The following TEAD4 variants were observed in gnomAD, a reference collection of about 807,000 sequenced individuals.
TEAD4 encodes the protein transcriptional enhancer factor TEF-3.
TEAD4 carries 36 observed loss-of-function variants against 52.4 expected under a neutral mutation model. The ratio of observed to expected loss-of-function variants is 0.69; its 90% CI spans 0.53 to 0.91. TEAD4 has a LOEUF of 0.91. Ranked by LOEUF, TEAD4 falls within the 40% of genes least tolerant of loss-of-function variation. TEAD4 has a pLI of 0.00. For missense variants in TEAD4, 508 were observed against 583.9 expected (o/e 0.87, Z 1.34); for synonymous variants, 220 against 231.0 (o/e 0.95, Z 0.43).
intron 3 of TEAD4, among the ~76,000 whole-genome samples, chr12:3,008,484 T>C (rs2153956395): frequency 6.6e-6 from 1 of 152,292 alleles, no homozygotes; most frequent in Admixed American, 6.5e-5. Context: ...CTGGGGCAGA[T>C]GGAAGCCATT....
intron 2 of TEAD4, among the ~76,000 whole-genome samples, chr12:2,988,134 G>A (rs1458375679): frequency 6.6e-6 from 1 of 151,922 alleles, no homozygotes; most frequent in African/African-American, 2.4e-5. Flanking sequence ...GATTTATTTG[G>A]ACAGATTCAA....
chr12:2,982,485 C>T (rs1018630255), intron 2 of TEAD4, among the ~76,000 whole-genome samples: 1 of 152,220 alleles, frequency 6.6e-6, no homozygotes, highest in Admixed American at 6.5e-5. Flanking sequence ...TCTCCCCTGG[C>T]AGGCCCTCCT....
chr12:3,027,557 C>A (rs1395774808), intron 10 of TEAD4, among the ~76,000 whole-genome samples: 3 of 152,204 alleles, frequency 2.0e-5, no homozygotes, highest in African/African-American at 7.2e-5. Context: ...TGACAAAAAC[C>A]TGTCTCCACA....
chr12:2,960,215 C>A (rs2098214181), intron 2 of TEAD4, 175 bp downstream of exon 2: 3 of 902,990 alleles, frequency 3.3e-6, no homozygotes, highest in Non-Finnish European at 4.0e-6. Flanking sequence ...GGTGGACACT[C>A]GGGACTTTGG....
chr12:3,022,646 G>A (rs536995183), intron 10 of TEAD4, among the ~76,000 whole-genome samples: 7 of 152,178 alleles, frequency 4.6e-5, no homozygotes, highest in Non-Finnish European at 8.8e-5. Flanking sequence ...CCATTGAAAC[G>A]TCTTGTCTGA....
intron 10 of TEAD4, among the ~76,000 whole-genome samples, chr12:3,034,960 G>T (rs559910013): frequency 6.6e-6 from 1 of 151,968 alleles, no homozygotes; most frequent in South Asian, 2.1e-4. Flanking sequence ...AACTAGCCGA[G>T]CGTGGTGGTG....
intron 3 of TEAD4, among the ~76,000 whole-genome samples, chr12:3,005,326 C>T (rs1342007795): frequency 6.6e-6 from 1 of 150,970 alleles, no homozygotes; most frequent in Non-Finnish European, 1.5e-5. Flanking sequence ...CAAGGTCTTA[C>T]TCTCCCTCCC....
intron 3 of TEAD4, among the ~76,000 whole-genome samples, chr12:2,996,332 G>A (rs375464388): frequency 2.6e-5 from 4 of 151,984 alleles, no homozygotes; most frequent in South Asian, 2.1e-4. Context: ...CTTCTGGGTC[G>A]GCCCTCTAGA....
intron 3 of TEAD4, among the ~76,000 whole-genome samples, chr12:2,997,348 G>A (rs758999343): frequency 2.6e-5 from 4 of 152,148 alleles, no homozygotes; most frequent in Admixed American, 6.6e-5. Flanking sequence ...TACTTTTAGC[G>A]CCTGGGGAAG....
chr12:2,984,475 A>T (rs1473632118), intron 2 of TEAD4, among the ~76,000 whole-genome samples: 1 of 152,130 alleles, frequency 6.6e-6, no homozygotes, highest in Non-Finnish European at 1.5e-5. Context: ...TGTGGTCATT[A>T]GTTAGATGTG....
intron 2 of TEAD4, among the ~76,000 whole-genome samples, chr12:2,971,537 GC>G (rs2098225013): frequency 6.6e-6 from 1 of 151,652 alleles, no homozygotes. Context: ...GTGCTGTGGT[GC>G]GATCTCGGCT....
chr12:2,970,216 G>A (rs1287274596), intron 2 of TEAD4, among the ~76,000 whole-genome samples: 2 of 152,238 alleles, frequency 1.3e-5, no homozygotes, highest in Non-Finnish European at 2.9e-5. Flanking sequence ...GAACCGTAGT[G>A]TGTATTGTAC....
intron 3 of TEAD4, among the ~76,000 whole-genome samples, chr12:3,002,401 T>TA: frequency 6.6e-6 from 1 of 152,370 alleles, no homozygotes; most frequent in Non-Finnish European, 1.5e-5. Flanking sequence ...GTGGTAATTT[T>TA]ATGTTTGAGT....
chr12:3,035,546 G>T (rs7302085), intron 10 of TEAD4, among the ~76,000 whole-genome samples: 43,550 of 152,048 alleles, frequency 0.29, 7,028 homozygotes, highest in African/African-American at 0.43. Context: ...GACAGGCCAG[G>T]TGCAGTGGTT....
At chr12:2,997,670 C>A (rs1021118756) in intron 3 of TEAD4, among the ~76,000 whole-genome samples, 72 of 151,740 alleles carry the variant, frequency 4.7e-4, no homozygotes, top group African/African-American at 1.6e-3. Flanking sequence ...CATGAGGCAT[C>A]CAGCAAGGGG....
intron 3 of TEAD4, among the ~76,000 whole-genome samples, chr12:3,004,095 C>G (rs538147976): frequency 6.6e-6 from 1 of 152,246 alleles, no homozygotes; most frequent in Non-Finnish European, 1.5e-5. Flanking sequence ...TGGCTCCCAC[C>G]AGCTGTGGGT....
At chr12:2,978,140 C>T (rs895361357) in intron 2 of TEAD4, among the ~76,000 whole-genome samples, 1 of 152,188 alleles carries the variant, frequency 6.6e-6, no homozygotes, top group African/African-American at 2.4e-5. Flanking sequence ...CCCAGGTCCC[C>T]TGCAGACCCT....
intron 10 of TEAD4, among the ~76,000 whole-genome samples, chr12:3,033,814 C>T (rs549471416): frequency 1.3e-5 from 2 of 152,262 alleles, no homozygotes; most frequent in African/African-American, 2.4e-5. Flanking sequence ...GGCCAAGAAG[C>T]GTAGCTTGTT....
chr12:3,030,841 C>T (rs534457261), intron 10 of TEAD4, among the ~76,000 whole-genome samples: 1 of 152,220 alleles, frequency 6.6e-6, no homozygotes, highest in African/African-American at 2.4e-5. Flanking sequence ...TGGCCACGTG[C>T]GTAGCCAGGG....
Sources: allele counts gnomAD v4.1 joint callset (sites outside exome capture counted in the v4.1 genomes callset), GRCh38; gene constraint gnomAD v4.1.1; transcripts MANE v1.5; gene names NCBI Gene and HGNC (gene_info 2026-07-23, HGNC 2026-07-21).